KLF12: variants seen among roughly 807,000 people sequenced by gnomAD.
The protein encoded by KLF12 is KLF transcription factor 12, also known as Krueppel-like factor 12.
KLF12 carries 9 observed loss-of-function variants against 37.8 expected under a neutral mutation model. The ratio of observed to expected loss-of-function variants is 0.24; its 90% confidence interval spans 0.14 to 0.42. The LOEUF (loss-of-function observed/expected upper bound fraction) is 0.42, where lower values mean the gene tolerates loss of function less well. Ranked by LOEUF, KLF12 falls within the 10% of genes least tolerant of loss-of-function variation. KLF12 has a pLI of 1.00. For synonymous variants in KLF12, 208 were observed against 202.1 expected (o/e 1.03, Z -0.25); for missense variants, 411 against 516.0 (o/e 0.80, Z 1.97).
intron 6 of KLF12, among the ~76,000 whole-genome samples, chr13:73,750,175 T>C (rs1317031661): frequency 1.3e-5 from 2 of 152,242 alleles, no homozygotes; most frequent in Non-Finnish European, 2.9e-5. Context: ...TGTCTTGCTA[T>C]CCTCTGAATT....
At chr13:73,975,962 A>G (rs1013590412) in intron 2 of KLF12, among the ~76,000 whole-genome samples, 1 of 152,128 alleles carries the variant, frequency 6.6e-6, no homozygotes, top group African/African-American at 2.4e-5. Flanking sequence ...AAGCTTTCCC[A>G]CACTGTATGG....
chr13:74,196,408 T>C, the KLF12 span, among the ~76,000 whole-genome samples: 2 of 152,140 alleles, frequency 1.3e-5, no homozygotes, highest in Non-Finnish European at 2.9e-5. Context: ...ACATTTTGGG[T>C]GTGCTGCAAC....
At chr13:73,793,090 C>G (rs1435903020) in intron 5 of KLF12, among the ~76,000 whole-genome samples, 1 of 152,104 alleles carries the variant, frequency 6.6e-6, no homozygotes, top group Non-Finnish European at 1.5e-5. Flanking sequence ...ACCTTTCTAC[C>G]CAATGGTATA....
At chr13:73,836,382 A>G (rs1884436348) in intron 4 of KLF12, among the ~76,000 whole-genome samples, 2 of 152,206 alleles carry the variant, frequency 1.3e-5, no homozygotes, top group South Asian at 2.1e-4. Context: ...CCACAGCCAC[A>G]GAGTTGTAAA....
At chr13:73,797,076 C>T (rs1367818514) in intron 5 of KLF12, among the ~76,000 whole-genome samples, 1 of 152,140 alleles carries the variant, frequency 6.6e-6, no homozygotes, top group African/African-American at 2.4e-5. Context: ...ATGTTCAGAT[C>T]TTACATGAGA....
At chr13:73,975,148 T>C (rs182782877) in intron 2 of KLF12, among the ~76,000 whole-genome samples, 1 of 152,338 alleles carries the variant, frequency 6.6e-6, no homozygotes, top group African/African-American at 2.4e-5. Context: ...AAAAGTAACT[T>C]TTTTTGTTGT....
chr13:74,265,236 G>A, the KLF12 span, among the ~76,000 whole-genome samples: 1 of 152,170 alleles, frequency 6.6e-6, no homozygotes, highest in African/African-American at 2.4e-5. Context: ...TTACAGTGGA[G>A]ATTGGAAAGA....
At chr13:74,296,030 C>G in the KLF12 span, among the ~76,000 whole-genome samples, 2 of 151,558 alleles carry the variant, frequency 1.3e-5, no homozygotes, top group African/African-American at 4.8e-5. Context: ...ATCATTTTGT[C>G]TAGGTCTGGA....
chr13:74,283,573 G>A, the KLF12 span, among the ~76,000 whole-genome samples: 1 of 152,144 alleles, frequency 6.6e-6, no homozygotes, highest in South Asian at 2.1e-4. Context: ...GAAACAGTAT[G>A]CACTAGTGGG....
intron 1 of KLF12, among the ~76,000 whole-genome samples, chr13:74,017,725 A>G (rs1449457318): frequency 6.6e-6 from 1 of 152,110 alleles, no homozygotes; most frequent in African/African-American, 2.4e-5. Context: ...CTATACATGT[A>G]TATGTATAAT....
intron 1 of KLF12, among the ~76,000 whole-genome samples, chr13:74,084,945 T>G (rs1009622460): frequency 6.6e-6 from 1 of 152,220 alleles, no homozygotes; most frequent in South Asian, 2.1e-4. Flanking sequence ...TTGTTGGTTT[T>G]TTTAAAAGAG....
intron 2 of KLF12, among the ~76,000 whole-genome samples, chr13:73,971,973 T>A (rs577774602): frequency 6.6e-6 from 1 of 152,286 alleles, no homozygotes; most frequent in East Asian, 1.9e-4. Flanking sequence ...AGCTGTACAA[T>A]TACACTCATC....
At chr13:73,790,268 A>G (rs61957286) in intron 5 of KLF12, among the ~76,000 whole-genome samples, 19 of 152,354 alleles carry the variant, frequency 1.2e-4, no homozygotes, top group Non-Finnish European at 1.8e-4. Flanking sequence ...CTTACAAATG[A>G]TGTTTGAATG....
chr13:74,182,318 C>T, the KLF12 span, among the ~76,000 whole-genome samples: 12 of 152,160 alleles, frequency 7.9e-5, no homozygotes, highest in East Asian at 1.9e-4. Context: ...GAGATTTACA[C>T]GTGTAAGGCT....
At chr13:73,750,600 G>A (rs1056243304) in intron 6 of KLF12, among the ~76,000 whole-genome samples, 1 of 152,130 alleles carries the variant, frequency 6.6e-6, no homozygotes, top group African/African-American at 2.4e-5. Flanking sequence ...TGGGTGGGGG[G>A]ACTGCAGGGA....
chr13:73,732,035 C>T (rs1331708076), intron 6 of KLF12, among the ~76,000 whole-genome samples: 1 of 150,878 alleles, frequency 6.6e-6, no homozygotes, highest in Non-Finnish European at 1.5e-5. Context: ...TGGGAAATGA[C>T]TGCAGTAACT....
At chr13:74,172,630 CT>C in the KLF12 span, among the ~76,000 whole-genome samples, 1 of 152,186 alleles carries the variant, frequency 6.6e-6, no homozygotes, top group East Asian at 1.9e-4. Flanking sequence ...CTCCATGAGT[CT>C]TTTTGATGAG....
intron 1 of KLF12, among the ~76,000 whole-genome samples, chr13:74,075,266 C>A (rs1204086661): frequency 6.6e-6 from 1 of 152,192 alleles, no homozygotes; most frequent in Non-Finnish European, 1.5e-5. Context: ...ATTTTCTAAT[C>A]TAGCTTTGGT....
At chr13:73,920,787 C>A (rs1199474023) in intron 3 of KLF12, among the ~76,000 whole-genome samples, 1 of 152,088 alleles carries the variant, frequency 6.6e-6, no homozygotes, top group African/African-American at 2.4e-5. Flanking sequence ...AATAATACCC[C>A]AAAGTATGGC....
Sources: gnomAD v4.1 joint callset for allele counts (sites outside exome capture counted in the v4.1 genomes callset) on GRCh38, gnomAD v4.1.1 for gene constraint, MANE v1.5 for transcripts, NCBI Gene and HGNC (gene_info 2026-07-23, HGNC 2026-07-21) for gene names.